ADISSP: variants seen among roughly 807,000 people sequenced by gnomAD.
ADISSP encodes adipose secreted signaling protein, also known as adipose-secreted signaling protein.
the ADISSP span, among the ~76,000 whole-genome samples, chr20:3,757,619 C>T: frequency 6.6e-6 from 1 of 151,846 alleles, no homozygotes; most frequent in African/African-American, 2.4e-5. Flanking sequence ...CAAACCTGGG[C>T]CCCCCAGGTT....
At chr20:3,754,567 G>A in the ADISSP span, 64 of 1,591,278 alleles carry the variant, frequency 4.0e-5, no homozygotes, top group African/African-American at 5.1e-4. Flanking sequence ...CAGCCTCCCC[G>A]ATCCTGCCCC....
At chr20:3,753,766 G>A in the ADISSP span, 14 of 482,696 alleles carry the variant, frequency 2.9e-5, no homozygotes, top group East Asian at 5.0e-4. Flanking sequence ...GGGGAGTGGG[G>A]GACCCACCCC....
chr20:3,758,028 T>C, the ADISSP span, among the ~76,000 whole-genome samples: 1 of 151,936 alleles, frequency 6.6e-6, no homozygotes, highest in South Asian at 2.1e-4. The surrounding 1 kb of genome is among the most constrained non-coding windows in gnomAD (Gnocchi z 5.5). Flanking sequence ...GGGGTGATAA[T>C]ACTACTTCAA....
chr20:3,755,803 G>A, the ADISSP span, among the ~76,000 whole-genome samples: 1 of 152,048 alleles, frequency 6.6e-6, no homozygotes. Flanking sequence ...CCCCTTGAGG[G>A]TCCCAGCCCT....
the ADISSP span, among the ~76,000 whole-genome samples, chr20:3,758,221 A>G: frequency 6.6e-6 from 1 of 152,230 alleles, no homozygotes; most frequent in Admixed American, 6.5e-5. This position sits in a 1 kb window ranked among gnomAD's most constrained non-coding sequence, Gnocchi z 5.5. Flanking sequence ...TCCCAAGGTC[A>G]CAGAGCCAGA....
At chr20:3,760,011 A>G in the ADISSP span, 1 of 1,609,698 alleles carries the variant, frequency 6.2e-7, no homozygotes, top group East Asian at 2.2e-5. Context: ...CCCTACCTGC[A>G]GCAATGGCCC....
At chr20:3,764,677 G>C in the ADISSP span, among the ~76,000 whole-genome samples, 1 of 152,156 alleles carries the variant, frequency 6.6e-6, no homozygotes, top group South Asian at 2.1e-4. Context: ...CTGTGTCCCC[G>C]GCACTCAGCG....
the ADISSP span, chr20:3,758,605 G>A: frequency 1.9e-6 from 3 of 1,614,056 alleles, no homozygotes; most frequent in Non-Finnish European, 2.5e-6. The surrounding 1 kb of genome is among the most constrained non-coding windows in gnomAD (Gnocchi z 5.5). Flanking sequence ...TCTCATCAAA[G>A]TGGACGTGGC....
chr20:3,758,256 G>A, the ADISSP span, among the ~76,000 whole-genome samples: 1 of 152,304 alleles, frequency 6.6e-6, no homozygotes, highest in East Asian at 1.9e-4. The surrounding 1 kb of genome is among the most constrained non-coding windows in gnomAD (Gnocchi z 5.5). Flanking sequence ...CCTGAACTCA[G>A]GCCACTGGCA....
chr20:3,754,324 C>T, the ADISSP span: 1 of 1,570,772 alleles, frequency 6.4e-7, no homozygotes, highest in Non-Finnish European at 8.7e-7. Flanking sequence ...AGCCTTGGTT[C>T]CCTGAGGAGG....
At chr20:3,755,129 G>A in the ADISSP span, among the ~76,000 whole-genome samples, 1 of 152,198 alleles carries the variant, frequency 6.6e-6, no homozygotes, top group East Asian at 1.9e-4. Context: ...CACACGGTGT[G>A]TGTAGCTCCA....
At chr20:3,757,177 C>T in the ADISSP span, among the ~76,000 whole-genome samples, 16 of 152,030 alleles carry the variant, frequency 1.1e-4, no homozygotes, top group Admixed American at 2.6e-4. Flanking sequence ...AGTGAAACCC[C>T]GTCTCTACTA....
the ADISSP span, chr20:3,760,033 C>A: frequency 6.2e-6 from 10 of 1,610,312 alleles, no homozygotes; most frequent in Non-Finnish European, 8.5e-6. Flanking sequence ...CCTACCAGGG[C>A]CCACCGGAAG....
chr20:3,766,069 C>T, the ADISSP span, among the ~76,000 whole-genome samples: 8 of 152,184 alleles, frequency 5.3e-5, no homozygotes, highest in Non-Finnish European at 1.2e-4. Context: ...CGAGGTCTTT[C>T]TCTCTGAGCC....
At chr20:3,755,526 C>G in the ADISSP span, 1 of 1,613,280 alleles carries the variant, frequency 6.2e-7, no homozygotes, top group Non-Finnish European at 8.5e-7. Context: ...ACAGGTGCCT[C>G]GCGGACATCC....
At chr20:3,756,944 G>A in the ADISSP span, among the ~76,000 whole-genome samples, 1 of 152,078 alleles carries the variant, frequency 6.6e-6, no homozygotes, top group Non-Finnish European at 1.5e-5. Flanking sequence ...AAAAACCAGT[G>A]TGGACACGGT....
the ADISSP span, among the ~76,000 whole-genome samples, chr20:3,763,513 C>T: frequency 6.7e-6 from 1 of 148,966 alleles, no homozygotes; most frequent in Non-Finnish European, 1.5e-5. Context: ...GCCGAGATTG[C>T]GCCACTGCAC....
the ADISSP span, among the ~76,000 whole-genome samples, chr20:3,766,745 G>A: frequency 6.6e-6 from 1 of 152,148 alleles, no homozygotes; most frequent in South Asian, 2.1e-4. Flanking sequence ...GATAGAATGT[G>A]GGGGGATATC....
chr20:3,757,130 C>T, the ADISSP span, among the ~76,000 whole-genome samples: 1 of 152,096 alleles, frequency 6.6e-6, no homozygotes, highest in African/African-American at 2.4e-5. Context: ...ACGGACGGAT[C>T]ACGAGGTCAG....
Sources: allele counts gnomAD v4.1 joint callset (sites outside exome capture counted in the v4.1 genomes callset), GRCh38; gene constraint gnomAD v4.1.1; non-coding constraint Gnocchi (gnomAD v3.1); transcripts MANE v1.5; gene names NCBI Gene and HGNC (gene_info 2026-07-23, HGNC 2026-07-21).